MARS1: variants seen among roughly 807,000 people sequenced by gnomAD.
MARS1 encodes the protein methionine--tRNA ligase, cytoplasmic.
Under a neutral mutation model 119.5 loss-of-function variants are expected in MARS1, and 80 were observed. The ratio of observed to expected loss-of-function variants is 0.67; its 90% CI spans 0.56 to 0.81. MARS1 has a LOEUF of 0.81. MARS1 is among the 30% of genes least tolerant of loss of function. The pLI is 0.00. For missense variants in MARS1, 945 were observed against 1,116.5 expected (o/e 0.85, Z 2.19); for synonymous variants, 418 against 433.4 (o/e 0.96, Z 0.44).
chr12:57,511,671 A>T (rs562248736), intron 11 of MARS1, 27 bp from the exon 12 acceptor site: 110 of 1,613,358 alleles, frequency 6.8e-5, no homozygotes, highest in South Asian at 8.8e-5. Context: ...ACTTTCCTAA[A>T]TCAGCCCTCT....
At chr12:57,497,594 G>A (rs1356544393) in intron 7 of MARS1, among the ~76,000 whole-genome samples, 1 of 152,152 alleles carries the variant, frequency 6.6e-6, no homozygotes, top group Non-Finnish European at 1.5e-5. Flanking sequence ...GAAGGAGAGG[G>A]TGACGGTGAA....
Position 57,498,438 on chromosome 12 carries a change from G to T in MARS1, c.906G>T (p.Gln302His), listed in dbSNP as rs1246135540. Residue 302 changes from glutamine (Q) to histidine (H), a missense_variant, in exon 9 of 21, where the codon CAG becomes CAT. Coordinates refer to ENST00000262027, the MANE Select transcript of MARS1 (RefSeq NM_004990.4). ...CTTGCAGGTACTCTCGCCTCCGCCAGTGGAACACCCTCTATCTGTGTGGGA... is the reference window on the plus strand; with the variant it reads ...CTTGCAGGTACTCTCGCCTCCGCCATTGGAACACCCTCTATCTGTGTGGGA... ...DVFARYSRLR[Q>H]WNTLYLCGTD... 2 of 1,613,876 alleles carry T rather than the reference G, an allele frequency of 1.2e-6. No homozygotes were observed. Among genetic ancestry groups the T allele is most frequent in the African/African-American group, 2.7e-5 (2 of 74,932 alleles).
chr12:57,514,774 C>T lies in MARS1; in HGVS notation c.2022C>T (p.Leu674=). The T allele has an allele frequency of 6.2e-7, 1 of 1,614,190 alleles. No individual in the cohort carries two copies. Among genetic ancestry groups the T allele is most frequent in the South Asian group, 1.1e-5 (1 of 91,076 alleles). ...FFGGYVPEMV[L]TPDDQRLLAH... The stretch of plus-strand genomic sequence containing the variant: ...GGGGCTATGTGCCTGAGATGGTGCT[C>T]ACCCCTGATGATCAGCGCCTGCTGG... The change falls in exon 16 of 21, where the codon CTC becomes CTT. Residue 674 remains leucine (L), a synonymous_variant. Transcript: ENST00000262027.
Position 57,488,161 on chromosome 12 carries a change from G to GC in MARS1, c.72dup (p.Arg25GlnfsTer23). 1 of 1,614,172 alleles carries GC rather than the reference G, an allele frequency of 6.2e-7. No individual in the cohort carries two copies. The highest frequency in any genetic ancestry group is 8.5e-7 in the Non-Finnish European group (1 of 1,180,032). On this transcript the variant is annotated frameshift_variant, in exon 1 of 21. Transcript: ENST00000262027. LOFTEE classifies it high-confidence loss of function. ...CTGGCCGCCGCCGGGAGAGCCCGGG[G>GC]CAGAGCAGAGGTGCTCATCAGCACT...
chr12:57,503,742 A>G (rs952660089), intron 10 of MARS1, among the ~76,000 whole-genome samples: 2 of 151,878 alleles, frequency 1.3e-5, no homozygotes, highest in African/African-American at 2.4e-5. Context: ...GGGTTTCACT[A>G]TGTTGGCCAG....
intron 7 of MARS1, among the ~76,000 whole-genome samples, chr12:57,492,900 G>T (rs1030992306): frequency 8.5e-5 from 13 of 152,050 alleles, no homozygotes; most frequent in African/African-American, 2.9e-4. Flanking sequence ...GGGCACATGG[G>T]TCAAAATGAG....
At chr12:57,496,874 A>G (rs1272085560) in intron 7 of MARS1, among the ~76,000 whole-genome samples, 1 of 152,018 alleles carries the variant, frequency 6.6e-6, no homozygotes, top group Non-Finnish European at 1.5e-5. Context: ...GGCATTGAAG[A>G]TCCTATGGGC....
intron 12 of MARS1, 46 bp downstream of exon 12, chr12:57,511,914 C>A (rs1877541171): frequency 1.9e-6 from 3 of 1,608,782 alleles, no homozygotes; most frequent in Non-Finnish European, 2.6e-6. Flanking sequence ...AGTGTTGAAA[C>A]CCTGGGCTAG....
At chr12:57,495,701 C>T (rs1252776418) in intron 7 of MARS1, among the ~76,000 whole-genome samples, 2 of 152,232 alleles carry the variant, frequency 1.3e-5, no homozygotes, top group Non-Finnish European at 1.5e-5. Context: ...TGCACTCCAG[C>T]CTGGGCAACA....
At chr12:57,493,320 TATATTATATATA>T (rs1876097347) in intron 7 of MARS1, among the ~76,000 whole-genome samples, 1 of 101,156 alleles carries the variant, frequency 9.9e-6, no homozygotes, top group East Asian at 2.5e-4. Flanking sequence ...TATTATATAA[TATATTATATATA>T]ATATATGTTA....
chr12:57,489,497 G>A lies in MARS1; in HGVS notation c.353G>A (p.Arg118Gln), dbSNP rs141397530. 6.8e-5 allele frequency: 109 copies of A among 1,613,996 alleles called. No homozygotes were observed. Among genetic ancestry groups the A allele is most frequent in the Middle Eastern group, 1.6e-4 (1 of 6,084 alleles). The change falls in exon 4 of 21, where the codon CGG (arginine) becomes CAG (glutamine). Residue 118 changes from arginine to glutamine, a missense_variant. Transcript: ENST00000262027. ...GGGGAAGATGTTCTTGGTTCAGTGCGGAGAGCCCTGACTCACATTGACCAC... is the reference window on the plus strand; with the variant it reads ...GGGGAAGATGTTCTTGGTTCAGTGCAGAGAGCCCTGACTCACATTGACCAC... Reference protein sequence around the residue: ...KKGEDVLGSVRRALTHIDHSL... With the variant: ...KKGEDVLGSVQRALTHIDHSL...
chr12:57,509,442 T>C (rs895498784), intron 11 of MARS1, among the ~76,000 whole-genome samples: 1 of 152,228 alleles, frequency 6.6e-6, no homozygotes, highest in African/African-American at 2.4e-5. Flanking sequence ...AGGGTCTTGC[T>C]GTCACCTAGG....
chr12:57,489,193 G>A, intron 2 of MARS1, 74 bp from the exon 3 acceptor site: 1 of 1,599,164 alleles, frequency 6.3e-7, no homozygotes, highest in Non-Finnish European at 8.6e-7. Flanking sequence ...TGCAGCCATT[G>A]TTTCCCTGTG....
Position 57,505,272 on chromosome 12 carries a change from C to T in MARS1, c.1368+973C>T, listed in dbSNP as rs1056710939. 2.0e-5 allele frequency among the ~76,000 whole-genome samples: 3 copies of T among 151,868 alleles called. No homozygotes were observed. In the East Asian group the frequency reaches 5.8e-4, roughly 29 times the overall value. On this transcript the variant is annotated intron_variant, in intron 11 of 20. Transcript: ENST00000262027. ...TGCCTCCCAGGTTCAAGCGATTCCT[C>T]TGCATCAGCCTCCCAAGTAGCTGGG...
intron 19 of MARS1, 114 bp from the exon 20 acceptor site, chr12:57,516,126 CTGTCT>C (rs753841378): frequency 1.5e-6 from 2 of 1,358,304 alleles, no homozygotes; most frequent in Non-Finnish European, 1.1e-6. Flanking sequence ...TTTTTCTTTC[CTGTCT>C]TAACTAGAAG....
At chr12:57,493,293 T>C (rs908237307) in intron 7 of MARS1, among the ~76,000 whole-genome samples, 7 of 110,306 alleles carry the variant, frequency 6.3e-5, no homozygotes, top group South Asian at 2.4e-4. Context: ...TTGTTTTGAG[T>C]ATATATATAT....
intron 1 of MARS1, chr12:57,488,589 C>A (rs747412580): frequency 6.4e-7 from 1 of 1,550,970 alleles, no homozygotes; most frequent in Non-Finnish European, 8.7e-7. Flanking sequence ...TCCTAACACA[C>A]ACACACGTTC....
intron 7 of MARS1, among the ~76,000 whole-genome samples, chr12:57,497,881 A>G (rs1277412136): frequency 2.0e-5 from 3 of 152,146 alleles, no homozygotes; most frequent in Non-Finnish European, 4.4e-5. Flanking sequence ...ACAAGCAGTC[A>G]TGACAGTAAA....
chr12:57,512,528 A>T lies in MARS1; in HGVS notation c.1753+175A>T, dbSNP rs1877571000. 4 of 652,010 alleles carry T rather than the reference A, an allele frequency of 6.1e-6. No homozygotes were observed. The South Asian group carries it at 7.7e-5, about 13-fold the overall frequency. The allele number at this position is 652,010 out of a possible 1,614,324, so 40.4% of individuals were successfully genotyped here. On this transcript the variant is annotated intron_variant, in intron 14 of 20. Coordinates refer to ENST00000262027, the MANE Select transcript of MARS1 (RefSeq NM_004990.4). ...CGAACAAGAACCTGAAGAAAGCAAA[A>T]GTCTAAAGCTAAAACTCTTTAGTAG...
Sources: allele counts gnomAD v4.1 joint callset (sites outside exome capture counted in the v4.1 genomes callset), GRCh38; gene constraint gnomAD v4.1.1; transcripts MANE v1.5; gene names NCBI Gene and HGNC (gene_info 2026-07-23, HGNC 2026-07-21).